The following SGCZ variants were observed in gnomAD, a reference collection of about 807,000 sequenced individuals.
SGCZ encodes zeta-sarcoglycan.
Under a neutral mutation model 41.3 loss-of-function variants are expected in SGCZ, and 40 were observed. That is an observed-to-expected ratio of 0.97 (90% confidence interval 0.75 to 1.26). SGCZ has a LOEUF of 1.26. SGCZ is among the 50% of genes most tolerant of loss of function. SGCZ has a pLI of 0.00. For synonymous variants in SGCZ, 206 were observed against 137.5 expected (o/e 1.50, Z -3.49); for missense variants, 552 against 369.8 (o/e 1.49, Z -4.04).
intron 1 of SGCZ, among the ~76,000 whole-genome samples, chr8:15,236,255 G>T (rs770067479): frequency 6.6e-6 from 1 of 152,136 alleles, no homozygotes; most frequent in Non-Finnish European, 1.5e-5. Context: ...TTCCTTCCCC[G>T]TCTATGCAAT....
At chr8:14,889,095 C>T (rs900401729) in intron 1 of SGCZ, among the ~76,000 whole-genome samples, 1 of 152,092 alleles carries the variant, frequency 6.6e-6, no homozygotes, top group Non-Finnish European at 1.5e-5. Context: ...CATAATACTC[C>T]TGGAATCTAA....
At chr8:14,231,120 T>C (rs1449684634) in intron 4 of SGCZ, among the ~76,000 whole-genome samples, 1 of 151,428 alleles carries the variant, frequency 6.6e-6, no homozygotes, top group Non-Finnish European at 1.5e-5. Flanking sequence ...TGACTCTGAC[T>C]TTGCTTCCTA....
chr8:14,169,349 G>A (rs549252226), intron 4 of SGCZ, among the ~76,000 whole-genome samples: 1 of 152,126 alleles, frequency 6.6e-6, no homozygotes, highest in Non-Finnish European at 1.5e-5. Flanking sequence ...GCATCTTATT[G>A]AACACCATTT....
intron 1 of SGCZ, among the ~76,000 whole-genome samples, chr8:14,781,421 T>C (rs1435326623): frequency 2.0e-5 from 3 of 151,900 alleles, no homozygotes; most frequent in Non-Finnish European, 4.4e-5. Flanking sequence ...TAGAGATGGG[T>C]TTTTGCCATG....
chr8:14,451,296 C>A (rs80020387), intron 2 of SGCZ, among the ~76,000 whole-genome samples: 17,246 of 152,066 alleles, frequency 0.11, 988 homozygotes, highest in Non-Finnish European at 0.12. Flanking sequence ...AAATTTATAT[C>A]ATGAAGGTTC....
intron 5 of SGCZ, among the ~76,000 whole-genome samples, chr8:14,155,626 G>A (rs927566304): frequency 6.6e-6 from 1 of 151,348 alleles, no homozygotes; most frequent in East Asian, 1.9e-4. Flanking sequence ...TAGTAAAAAT[G>A]ATATTTATTC....
At chr8:14,556,242 C>T (rs1804031387) in intron 1 of SGCZ, among the ~76,000 whole-genome samples, 1 of 151,530 alleles carries the variant, frequency 6.6e-6, no homozygotes, top group Non-Finnish European at 1.5e-5. Flanking sequence ...TCATTATTAT[C>T]TCTTCAGTTT....
At chr8:14,602,382 T>C (rs1318989224) in intron 1 of SGCZ, among the ~76,000 whole-genome samples, 1 of 151,468 alleles carries the variant, frequency 6.6e-6, no homozygotes, top group African/African-American at 2.4e-5. Flanking sequence ...TTCCAGGAGG[T>C]AGGAATTACT....
intron 2 of SGCZ, among the ~76,000 whole-genome samples, chr8:14,411,630 C>T (rs2034372271): frequency 6.6e-6 from 1 of 152,174 alleles, no homozygotes; most frequent in East Asian, 1.9e-4. Flanking sequence ...TACTTTAGAG[C>T]ATCATATACC....
intron 5 of SGCZ, among the ~76,000 whole-genome samples, chr8:14,119,118 T>TG (rs1563137505): frequency 6.6e-6 from 1 of 152,184 alleles, no homozygotes; most frequent in Admixed American, 6.6e-5. Context: ...GGTACCTTGA[T>TG]GGGGATAGCA....
chr8:14,768,655 T>C (rs552560613), intron 1 of SGCZ, among the ~76,000 whole-genome samples: 1 of 152,234 alleles, frequency 6.6e-6, no homozygotes, highest in South Asian at 2.1e-4. Flanking sequence ...TCACCATTTC[T>C]CACTAAACAC....
At chr8:14,422,541 A>C (rs116989656) in intron 2 of SGCZ, among the ~76,000 whole-genome samples, 671 of 152,316 alleles carry the variant, frequency 4.4e-3, no homozygotes, top group Non-Finnish European at 7.1e-3. Flanking sequence ...CTGTAATTGG[A>C]AACTGTAAAG....
At chr8:14,449,013 C>A (rs1368029345) in intron 2 of SGCZ, among the ~76,000 whole-genome samples, 1 of 152,152 alleles carries the variant, frequency 6.6e-6, no homozygotes, top group South Asian at 2.1e-4. Context: ...AAGTTACATT[C>A]CAGACAAACA....
At chr8:14,997,993 G>T (rs983633589) in intron 1 of SGCZ, among the ~76,000 whole-genome samples, 2 of 152,092 alleles carry the variant, frequency 1.3e-5, no homozygotes, top group African/African-American at 4.8e-5. Flanking sequence ...TCATGTCATT[G>T]TTTCAGCACA....
Position 15,131,146 on chromosome 8 carries a change from C to A in SGCZ, c.39+106439G>T, listed in dbSNP as rs536257644. Among the ~76,000 whole-genome samples the A allele has an allele frequency of 2.0e-5, 3 of 152,250 alleles. No individual in the cohort carries two copies. The South Asian group carries it at 6.2e-4, about 32-fold the overall frequency. On this transcript the variant is annotated intron_variant, in intron 1 of 7. Transcript: ENST00000382080. ...AACTAATGACTTAAATAAGGTGCTT[C>A]AGTGATATCGTTTGTCTGTGTCCCC...
chr8:14,818,219 C>T (rs1801964899), intron 1 of SGCZ, among the ~76,000 whole-genome samples: 1 of 152,130 alleles, frequency 6.6e-6, no homozygotes, highest in Non-Finnish European at 1.5e-5. Flanking sequence ...CACTGCCTCC[C>T]CAGAGAGCCC....
chr8:14,615,628 C>A (rs887715023), intron 1 of SGCZ, among the ~76,000 whole-genome samples: 2 of 152,032 alleles, frequency 1.3e-5, no homozygotes, highest in Non-Finnish European at 1.5e-5. Context: ...CCGGAAGAAC[C>A]CAGTAAGAGG....
chr8:14,926,068 G>T (rs1799739609), intron 1 of SGCZ, among the ~76,000 whole-genome samples: 1 of 152,164 alleles, frequency 6.6e-6, no homozygotes. Context: ...AAAGGAAAAA[G>T]ATAAATCAGG....
intron 1 of SGCZ, among the ~76,000 whole-genome samples, chr8:15,049,009 A>G (rs757008538): frequency 1.3e-5 from 2 of 152,144 alleles, no homozygotes; most frequent in Non-Finnish European, 2.9e-5. Flanking sequence ...GTTTTCCTCA[A>G]AAGATGCTGT....
Sources: gnomAD v4.1 joint callset for allele counts (sites outside exome capture counted in the v4.1 genomes callset) on GRCh38, gnomAD v4.1.1 for gene constraint, MANE v1.5 for transcripts, NCBI Gene and HGNC (gene_info 2026-07-23, HGNC 2026-07-21) for gene names.